DLG2: variants seen among roughly 807,000 people sequenced by gnomAD.
DLG2 encodes the protein disks large homolog 2.
Under a neutral mutation model 132.5 loss-of-function variants are expected in DLG2, and 45 were observed. The ratio of observed to expected loss-of-function variants is 0.34; its 90% CI spans 0.27 to 0.44. The LOEUF (loss-of-function observed/expected upper bound fraction) is 0.44, where lower values mean the gene tolerates loss of function less well. DLG2 is among the 20% of genes least tolerant of loss of function. The pLI is 1.00. For missense variants in DLG2, 1,045 were observed against 1,196.9 expected, an observed-to-expected ratio of 0.87 and a Z score of 1.87; for synonymous variants, 424 against 419.6, an observed-to-expected ratio of 1.01 and a Z score of -0.13.
intron 7 of DLG2, among the ~76,000 whole-genome samples, chr11:84,302,667 C>A (rs988569213): frequency 6.6e-6 from 1 of 152,176 alleles, no homozygotes; most frequent in South Asian, 2.1e-4. Context: ...TTAATTCATA[C>A]TATTTTTTAC....
rs900766741 is a variant in DLG2 at position 84,427,700 on chromosome 11, T to C, written c.519+106870A>G. On this transcript the variant is annotated intron_variant, in intron 7 of 27. Coordinates refer to ENST00000376104, the MANE Select transcript of DLG2 (RefSeq NM_001142699.3). ...TTCAACTCCCCTAACCCCAATATAC[T>C]TTTTTTCCTTTCCACAGAAAATACA... Among the ~76,000 whole-genome samples, 9 of 152,018 alleles carry C rather than the reference T, an allele frequency of 5.9e-5. No homozygotes were observed. In the East Asian group the frequency reaches 1.5e-3, roughly 26 times the overall value.
intron 8 of DLG2, among the ~76,000 whole-genome samples, chr11:84,242,360 T>C (rs1316270919): frequency 6.6e-6 from 1 of 152,172 alleles, no homozygotes; most frequent in Non-Finnish European, 1.5e-5. Flanking sequence ...TTTTTGTTTT[T>C]GTTTTTGTTT....
At chr11:84,194,209 T>C (rs1442197672) in intron 8 of DLG2, among the ~76,000 whole-genome samples, 1 of 152,212 alleles carries the variant, frequency 6.6e-6, no homozygotes, top group Non-Finnish European at 1.5e-5. Context: ...CTATGTCCTT[T>C]TGTGTCCAGA....
At chr11:84,071,002 T>C (rs972728073) in intron 10 of DLG2, among the ~76,000 whole-genome samples, 10 of 152,052 alleles carry the variant, frequency 6.6e-5, no homozygotes, top group African/African-American at 1.9e-4. Flanking sequence ...AAGGGAGGAG[T>C]GTTCCTTCTT....
chr11:85,398,783 A>C (rs927034078), intron 3 of DLG2, among the ~76,000 whole-genome samples: 3 of 152,182 alleles, frequency 2.0e-5, no homozygotes, highest in African/African-American at 7.2e-5. Context: ...GGCGATAATT[A>C]ATAGCCTACT....
intron 3 of DLG2, among the ~76,000 whole-genome samples, chr11:85,319,380 T>C (rs1481822505): frequency 6.6e-6 from 1 of 151,850 alleles, no homozygotes; most frequent in Non-Finnish European, 1.5e-5. Context: ...TCATTAACTT[T>C]ATGAAACATT....
chr11:85,015,131 A>G (rs1316911211), intron 6 of DLG2, among the ~76,000 whole-genome samples: 1 of 152,208 alleles, frequency 6.6e-6, no homozygotes, highest in African/African-American at 2.4e-5. Context: ...TTACAGAAGA[A>G]GTAGATGCCA....
chr11:85,519,965 C>A (rs934182556), intron 3 of DLG2, among the ~76,000 whole-genome samples: 1 of 152,148 alleles, frequency 6.6e-6, no homozygotes, highest in African/African-American at 2.4e-5. Context: ...GTCCAATAAA[C>A]CCCATTCTTT....
rs569985092 is a variant in DLG2 at position 84,986,448 on chromosome 11, A to C, written c.357+125213T>G. Among the ~76,000 whole-genome samples the C allele has an allele frequency of 3.9e-5, 6 of 152,294 alleles. No homozygotes were observed. The South Asian group carries it at 1.2e-3, about 32-fold the overall frequency. Reference sequence around the variant, plus strand: ...ATGAAGCCAGTATCACCCTAATACCAAAACCAGGAAAGGACATAACCAAAA... The same window carrying C: ...ATGAAGCCAGTATCACCCTAATACCCAAACCAGGAAAGGACATAACCAAAA... On this transcript the variant is annotated intron_variant, in intron 6 of 27. Coordinates refer to ENST00000376104, the MANE Select transcript of DLG2 (RefSeq NM_001142699.3).
At chr11:85,447,994 T>A (rs1402052261) in intron 3 of DLG2, among the ~76,000 whole-genome samples, 1 of 152,188 alleles carries the variant, frequency 6.6e-6, no homozygotes, top group East Asian at 1.9e-4. Context: ...GACAGATCGT[T>A]GACCTTACAG....
intron 18 of DLG2, among the ~76,000 whole-genome samples, chr11:83,783,401 T>C (rs1405212854): frequency 6.6e-6 from 1 of 152,216 alleles, no homozygotes; most frequent in Non-Finnish European, 1.5e-5. Context: ...ATCACAAAAA[T>C]ATGCTAAAGA....
At chr11:84,357,700 ACC>A (rs998427278) in intron 7 of DLG2, among the ~76,000 whole-genome samples, 3 of 151,972 alleles carry the variant, frequency 2.0e-5, no homozygotes, top group Admixed American at 6.6e-5. Flanking sequence ...AACAACAAAG[ACC>A]CACTATTCTT....
At chr11:85,243,336 C>T (rs116907032) in intron 4 of DLG2, among the ~76,000 whole-genome samples, 64 of 152,074 alleles carry the variant, frequency 4.2e-4, no homozygotes, top group Non-Finnish European at 7.7e-4. Context: ...TTGAGCTTTT[C>T]GAATTCAGAG....
chr11:84,995,567 A>G (rs1192185796), intron 6 of DLG2, among the ~76,000 whole-genome samples: 1 of 152,206 alleles, frequency 6.6e-6, no homozygotes, highest in Non-Finnish European at 1.5e-5. Context: ...AATCACAACT[A>G]GCAACACTTT....
chr11:84,316,176 A>T (rs1165715491), intron 7 of DLG2, among the ~76,000 whole-genome samples: 1 of 152,192 alleles, frequency 6.6e-6, no homozygotes, highest in Admixed American at 6.5e-5. Flanking sequence ...TGCGTTATAG[A>T]AGAAAGAGAG....
At chr11:84,891,746 A>G (rs2089431877) in intron 6 of DLG2, among the ~76,000 whole-genome samples, 2 of 152,316 alleles carry the variant, frequency 1.3e-5, no homozygotes, top group African/African-American at 2.4e-5. Context: ...AGTTTGTTCA[A>G]TCATTCACTT....
At chr11:84,843,303 C>A (rs79246074) in intron 6 of DLG2, among the ~76,000 whole-genome samples, 2 of 147,044 alleles carry the variant, frequency 1.4e-5, no homozygotes, top group Admixed American at 6.8e-5. Context: ...AAAAAAAAAA[C>A]AGAGCAAGGG....
At chr11:85,609,130 A>T (rs1336010025) in intron 2 of DLG2, among the ~76,000 whole-genome samples, 1 of 152,190 alleles carries the variant, frequency 6.6e-6, no homozygotes, top group Non-Finnish European at 1.5e-5. Context: ...GAATTACTCA[A>T]TGATGTCCAC....
At chr11:83,736,341 T>C (rs17146016) in intron 18 of DLG2, among the ~76,000 whole-genome samples, 11,686 of 152,130 alleles carry the variant, frequency 0.077, 1,539 homozygotes, top group African/African-American at 0.26. Context: ...TTGCTTTTAA[T>C]ATTATTATTA....
Sources: gnomAD v4.1 joint callset for allele counts (sites outside exome capture counted in the v4.1 genomes callset) on GRCh38, gnomAD v4.1.1 for gene constraint, MANE v1.5 for transcripts, NCBI Gene and HGNC (gene_info 2026-07-23, HGNC 2026-07-21) for gene names.